SGCZ: variants seen among roughly 807,000 people sequenced by gnomAD.
SGCZ encodes the protein zeta-sarcoglycan.
Under a neutral mutation model 41.3 loss-of-function variants are expected in SGCZ, and 40 were observed. That is an observed-to-expected ratio of 0.97 (90% CI 0.75 to 1.26). The LOEUF is 1.26. Among genes scored for constraint, SGCZ ranks in the 50% most tolerant of loss-of-function variants. SGCZ has a pLI of 0.00. For synonymous variants in SGCZ, 206 were observed against 137.5 expected (o/e 1.50, Z -3.49); for missense variants, 552 against 369.8 (o/e 1.49, Z -4.04).
chr8:14,372,748 G>A (rs1310810369), intron 2 of SGCZ, among the ~76,000 whole-genome samples: 1 of 152,090 alleles, frequency 6.6e-6, no homozygotes. Context: ...CAGCCTGCTT[G>A]GAGTATCCGA....
Position 14,722,934 on chromosome 8 carries a change from G to C in SGCZ, c.40-168008C>G, listed in dbSNP as rs142789962. 5.0e-3 allele frequency among the ~76,000 whole-genome samples: 760 copies of C among 152,128 alleles called. 2 individuals carry two copies. Among genetic ancestry groups the C allele is most frequent in the East Asian group, 0.018 (94 of 5,176 alleles). The stretch of plus-strand genomic sequence containing the variant: ...AAGAAAAAACTAGAATTTAATCTCC[G>C]AAAAAATCTAAATTACCAATTCAAT... On this transcript the variant is annotated intron_variant, in intron 1 of 7. Transcript: ENST00000382080.
chr8:15,073,405 T>C (rs1051002580), intron 1 of SGCZ, among the ~76,000 whole-genome samples: 6 of 152,142 alleles, frequency 3.9e-5, no homozygotes, highest in Non-Finnish European at 7.3e-5. Flanking sequence ...TCACAAATCC[T>C]GAGTAACAAT....
At chr8:15,141,074 C>G (rs1808302582) in intron 1 of SGCZ, among the ~76,000 whole-genome samples, 1 of 152,232 alleles carries the variant, frequency 6.6e-6, no homozygotes, top group Admixed American at 6.5e-5. Flanking sequence ...TCCTTTTGCC[C>G]TGACTTCTTA....
chr8:15,197,234 T>G (rs939103189), intron 1 of SGCZ, among the ~76,000 whole-genome samples: 5 of 152,198 alleles, frequency 3.3e-5, no homozygotes, highest in African/African-American at 1.2e-4. Context: ...ATGCTTTTAC[T>G]GTCTGAGCAC....
chr8:14,257,715 G>C (rs912322709), intron 3 of SGCZ, among the ~76,000 whole-genome samples: 1 of 150,100 alleles, frequency 6.7e-6, no homozygotes, highest in African/African-American at 2.4e-5. Flanking sequence ...TCCCACCTAT[G>C]AGTGAGAACA....
At chr8:15,163,414 G>A (rs911321383) in intron 1 of SGCZ, among the ~76,000 whole-genome samples, 1 of 152,168 alleles carries the variant, frequency 6.6e-6, no homozygotes, top group African/African-American at 2.4e-5. Flanking sequence ...ACGCTAAGTT[G>A]CATTTATATA....
chr8:15,185,653 G>A (rs530160066), intron 1 of SGCZ, among the ~76,000 whole-genome samples: 1 of 152,074 alleles, frequency 6.6e-6, no homozygotes, highest in Non-Finnish European at 1.5e-5. Flanking sequence ...CATCCTCTTC[G>A]ATCACTGCCC....
At chr8:14,363,513 G>T (rs1484717932) in intron 2 of SGCZ, among the ~76,000 whole-genome samples, 2 of 151,978 alleles carry the variant, frequency 1.3e-5, no homozygotes, top group African/African-American at 4.8e-5. Flanking sequence ...CATCCAGATG[G>T]TATCTTTCTT....
At chr8:14,794,805 T>G (rs1483200102) in intron 1 of SGCZ, among the ~76,000 whole-genome samples, 1 of 152,172 alleles carries the variant, frequency 6.6e-6, no homozygotes, top group Non-Finnish European at 1.5e-5. Context: ...CTGATCATAT[T>G]CAAAGAGTCA....
At chr8:15,020,994 T>C (rs1423494614) in intron 1 of SGCZ, among the ~76,000 whole-genome samples, 1 of 152,228 alleles carries the variant, frequency 6.6e-6, no homozygotes, top group Non-Finnish European at 1.5e-5. Flanking sequence ...CCTGAAAATT[T>C]TGCTAAAAGA....
chr8:14,743,114 A>C (rs936154329), intron 1 of SGCZ, among the ~76,000 whole-genome samples: 1 of 152,116 alleles, frequency 6.6e-6, no homozygotes, highest in Non-Finnish European at 1.5e-5. Context: ...ACATTCTTTA[A>C]GAATAAATTT....
At chr8:14,817,414 G>A (rs574242285) in intron 1 of SGCZ, among the ~76,000 whole-genome samples, 2 of 152,180 alleles carry the variant, frequency 1.3e-5, no homozygotes, top group African/African-American at 4.8e-5. Context: ...GTAGCCAGGG[G>A]CTGCATCGCT....
rs112071869 is a variant in SGCZ, at chr8:14,571,464, T to C, written c.40-16538A>G. ...TGAGTATACAGATCTGGCTGTGGTA[T>C]GCCCAACTATCTGATTATTCCTATT... On this transcript the variant is annotated intron_variant, in intron 1 of 7. Coordinates refer to ENST00000382080, the MANE Select transcript of SGCZ (RefSeq NM_139167.4). Among the ~76,000 whole-genome samples the C allele has an allele frequency of 9.2e-3, 1,394 of 152,336 alleles. 18 individuals carry two copies. The highest frequency in any genetic ancestry group is 0.032 in the African/African-American group (1,323 of 41,576).
At chr8:15,210,309 A>G (rs1462841995) in intron 1 of SGCZ, among the ~76,000 whole-genome samples, 1 of 152,100 alleles carries the variant, frequency 6.6e-6, no homozygotes, top group Non-Finnish European at 1.5e-5. Flanking sequence ...ACTGTAGCTG[A>G]TACTGTCTTT....
chr8:15,147,582 C>T (rs1480625327), intron 1 of SGCZ, among the ~76,000 whole-genome samples: 4 of 152,156 alleles, frequency 2.6e-5, no homozygotes, highest in African/African-American at 9.7e-5. Flanking sequence ...CCGGCTGACA[C>T]TTCCGTTTTA....
At chr8:14,434,858 G>C (rs1800043683) in intron 2 of SGCZ, among the ~76,000 whole-genome samples, 1 of 152,098 alleles carries the variant, frequency 6.6e-6, no homozygotes, top group Non-Finnish European at 1.5e-5. Context: ...GAGCCTAGGA[G>C]GTCAAGGCTA....
chr8:15,128,843 T>G (rs116693602), intron 1 of SGCZ, among the ~76,000 whole-genome samples: 1,895 of 152,290 alleles, frequency 0.012, 49 homozygotes, highest in African/African-American at 0.042. Context: ...CCCCTTAGAC[T>G]GCTGAACTTT....
At chr8:15,187,185 T>C (rs759003580) in intron 1 of SGCZ, among the ~76,000 whole-genome samples, 1 of 152,166 alleles carries the variant, frequency 6.6e-6, no homozygotes, top group Non-Finnish European at 1.5e-5. Context: ...AAGCCACTTA[T>C]GGTAATTGTA....
chr8:14,497,817 C>A (rs1225038769), intron 2 of SGCZ, among the ~76,000 whole-genome samples: 2 of 152,080 alleles, frequency 1.3e-5, no homozygotes, highest in African/African-American at 2.4e-5. Flanking sequence ...GACACACATT[C>A]AAACTATATC....
Sources: allele counts gnomAD v4.1 joint callset (sites outside exome capture counted in the v4.1 genomes callset), GRCh38; gene constraint gnomAD v4.1.1; transcripts MANE v1.5; gene names NCBI Gene and HGNC (gene_info 2026-07-23, HGNC 2026-07-21).